Variants in MARCHF8 observed in about 807,000 individuals in gnomAD.
The protein encoded by MARCHF8 is membrane associated ring-CH-type finger 8, also known as E3 ubiquitin-protein ligase MARCHF8.
In MARCHF8, 40 loss-of-function variants were observed where a neutral mutation model predicts 51.6. That is an observed-to-expected ratio of 0.77 (90% CI 0.60 to 1.01). The LOEUF (loss-of-function observed/expected upper bound fraction) is 1.01, where lower values mean the gene tolerates loss of function less well. Ranked by LOEUF, MARCHF8 falls within the 50% of genes least tolerant of loss-of-function variation. The pLI, the probability that MARCHF8 is intolerant of heterozygous loss-of-function variation, is 0.00. For synonymous variants in MARCHF8, 263 were observed against 280.3 expected, an observed-to-expected ratio of 0.94 and a Z score of 0.62; for missense variants, 685 against 708.6, an observed-to-expected ratio of 0.97 and a Z score of 0.38.
intron 1 of MARCHF8, chr10:45,553,207 A>G (rs1269188676): frequency 6.6e-6 from 1 of 152,134 alleles, no homozygotes; most frequent in Non-Finnish European, 1.5e-5. Flanking sequence ...CCCCATCTCT[A>G]CAAAAAAAAT....
At chr10:45,512,195 C>T (rs1310147251) in intron 2 of MARCHF8, among the ~76,000 whole-genome samples, 1 of 151,486 alleles carries the variant, frequency 6.6e-6, no homozygotes, top group African/African-American at 2.4e-5. Context: ...TGAGGAGACC[C>T]TCCGCCTGGC....
intron 1 of MARCHF8, among the ~76,000 whole-genome samples, chr10:45,547,688 T>C (rs1035953693): frequency 6.6e-6 from 1 of 152,146 alleles, no homozygotes; most frequent in Non-Finnish European, 1.5e-5. Flanking sequence ...CATAATATGT[T>C]CCTGTCTTTG....
intron 1 of MARCHF8, among the ~76,000 whole-genome samples, chr10:45,541,226 A>C (rs1275388661): frequency 6.6e-6 from 1 of 152,228 alleles, no homozygotes; most frequent in Non-Finnish European, 1.5e-5. Flanking sequence ...TACACCATGG[A>C]ATACTATGCA....
chr10:45,459,975 T>C lies in MARCHF8; in HGVS notation c.1270-708A>G, dbSNP rs966685039. ...CTTTGCCAACCCTAGTCACAGCCTC[T>C]TTCCAGATGAGTCTATGCAGGGTAG... On this transcript the variant is annotated intron_variant, in intron 6 of 7. Transcript: ENST00000453424. 3 of 789,278 alleles carry C rather than the reference T, an allele frequency of 3.8e-6. No individual in the cohort carries two copies. In the African/African-American group the frequency reaches 5.6e-5, roughly 15 times the overall value. The allele number at this position is 789,278 out of a possible 1,614,324, so 48.9% of individuals were successfully genotyped here.
rs148248179 is a variant in MARCHF8 at position 45,498,445 on chromosome 10, GTCC to G, written c.103-9031_103-9029del. On this transcript the variant is annotated intron_variant, in intron 2 of 7. Coordinates refer to ENST00000453424, the MANE Select transcript of MARCHF8 (RefSeq NM_001282866.2). ...ATTAGCTCACTTCACTTGGCATAATGTCCTCAAGATTCCTCCGTGTTGTAGCAT... is the reference window on the plus strand; with the variant it reads ...ATTAGCTCACTTCACTTGGCATAATGTCAAGATTCCTCCGTGTTGTAGCAT... 2.8e-3 allele frequency among the ~76,000 whole-genome samples: 419 copies of G among 151,688 alleles called. 2 individuals carry two copies. The highest frequency in any genetic ancestry group is 8.7e-3 in the African/African-American group (361 of 41,402).
chr10:45,543,897 A>G (rs917951984), intron 1 of MARCHF8, among the ~76,000 whole-genome samples: 8 of 151,960 alleles, frequency 5.3e-5, no homozygotes, highest in Non-Finnish European at 7.4e-5. Context: ...ACATTAACAG[A>G]CATTTCATCA....
intron 1 of MARCHF8, among the ~76,000 whole-genome samples, chr10:45,558,488 G>A (rs1388599660): frequency 6.6e-6 from 1 of 152,234 alleles, no homozygotes; most frequent in African/African-American, 2.4e-5. Flanking sequence ...CTGAAGAACA[G>A]TAACACTTCA....
chr10:45,512,065 A>G (rs1224985175), intron 2 of MARCHF8, among the ~76,000 whole-genome samples: 1 of 134,010 alleles, frequency 7.5e-6, no homozygotes, highest in South Asian at 2.5e-4. Flanking sequence ...CCGGCCGCCC[A>G]TCGCCTGAGA....
chr10:45,483,963 T>C (rs1455793485), intron 3 of MARCHF8, among the ~76,000 whole-genome samples: 2 of 152,116 alleles, frequency 1.3e-5, no homozygotes, highest in South Asian at 2.1e-4. Context: ...TACAGTTAGA[T>C]AGTCACAATA....
intron 3 of MARCHF8, among the ~76,000 whole-genome samples, chr10:45,479,216 T>A (rs575927219): frequency 5.3e-4 from 80 of 152,106 alleles, no homozygotes; most frequent in Non-Finnish European, 9.9e-4. Context: ...ATGTGACACA[T>A]CATGTAAACA....
At chr10:45,579,163 A>T (rs969380246) in intron 1 of MARCHF8, among the ~76,000 whole-genome samples, 3 of 152,198 alleles carry the variant, frequency 2.0e-5, no homozygotes, top group African/African-American at 7.2e-5. Flanking sequence ...GGACTTATAC[A>T]ACTTAAACTC....
chr10:45,530,231 G>A (rs1589154105), intron 2 of MARCHF8, among the ~76,000 whole-genome samples: 1 of 152,166 alleles, frequency 6.6e-6, no homozygotes, highest in Non-Finnish European at 1.5e-5. Flanking sequence ...TGAAAAATAT[G>A]TACACAGGGG....
intron 1 of MARCHF8, among the ~76,000 whole-genome samples, chr10:45,575,784 G>T (rs557828722): frequency 6.6e-6 from 1 of 152,294 alleles, no homozygotes; most frequent in Admixed American, 6.5e-5. Flanking sequence ...AGTAACTGAA[G>T]AATCACAAAA....
chr10:45,548,448 A>G (rs892847979), intron 1 of MARCHF8, among the ~76,000 whole-genome samples: 1 of 152,202 alleles, frequency 6.6e-6, no homozygotes, highest in African/African-American at 2.4e-5. Flanking sequence ...AGGTACGTGA[A>G]TTAGGTAAAC....
chr10:45,584,823 G>A (rs1384310162), intron 1 of MARCHF8, among the ~76,000 whole-genome samples: 1 of 152,166 alleles, frequency 6.6e-6, no homozygotes, highest in Non-Finnish European at 1.5e-5. Flanking sequence ...ACCTCCTATT[G>A]CCGGCTTTGA....
chr10:45,518,441 C>T (rs981113119), intron 2 of MARCHF8, among the ~76,000 whole-genome samples: 1 of 152,142 alleles, frequency 6.6e-6, no homozygotes, highest in Non-Finnish European at 1.5e-5. Flanking sequence ...GTCCTTGAGG[C>T]AGCAGGAAAG....
chr10:45,568,022 T>A (rs1322357400), intron 1 of MARCHF8, among the ~76,000 whole-genome samples: 1 of 152,050 alleles, frequency 6.6e-6, no homozygotes, highest in African/African-American at 2.4e-5. Context: ...TCCTAGGTGC[T>A]TTATTTTATG....
chr10:45,539,912 A>G (rs1171878809), upstream of MARCHF8, among the ~76,000 whole-genome samples: 5 of 152,208 alleles, frequency 3.3e-5, no homozygotes, highest in African/African-American at 1.2e-4. Context: ...CCAATAACAG[A>G]CAGAGAGCCA....
At chr10:45,499,241 T>C (rs2043232287) in intron 2 of MARCHF8, among the ~76,000 whole-genome samples, 1 of 152,242 alleles carries the variant, frequency 6.6e-6, no homozygotes, top group Non-Finnish European at 1.5e-5. Context: ...TAGCCATTTG[T>C]ATATCCTCTT....
Sources: allele counts gnomAD v4.1 joint callset (sites outside exome capture counted in the v4.1 genomes callset), GRCh38; gene constraint gnomAD v4.1.1; transcripts MANE v1.5; gene names NCBI Gene and HGNC (gene_info 2026-07-23, HGNC 2026-07-21).